Variants in C1QTNF6 observed in about 807,000 individuals in gnomAD.
C1QTNF6 encodes the protein complement C1q tumor necrosis factor-related protein 6.
In C1QTNF6, 17 loss-of-function variants were observed where a neutral mutation model predicts 20.7. The ratio of observed to expected loss-of-function variants is 0.82; its 90% confidence interval spans 0.56 to 1.23. C1QTNF6 has a LOEUF of 1.23. Among genes scored for constraint, C1QTNF6 ranks in the 50% most tolerant of loss-of-function variants. C1QTNF6 has a pLI of 0.00. For synonymous variants in C1QTNF6, 130 were observed against 156.3 expected, an observed-to-expected ratio of 0.83 and a Z score of 1.25; for missense variants, 329 against 389.7, an observed-to-expected ratio of 0.84 and a Z score of 1.31.
At position 37,185,279 on chromosome 22, in the gene C1QTNF6, G is replaced by A. The variant is rs745596249; in HGVS notation, c.228C>T (p.Ser76=). ...LDPAHVSSAS[S]SGRPHALPEI... ...CAGGCAGGGCGTGGGGGCGGCCGGA[G>A]GAAGAGGCTGAGGATACATGGGCAG... Residue 76 remains serine (S), a synonymous_variant, in exon 2 of 3, where the codon TCC becomes TCT. Transcript: ENST00000337843. 6.2e-7 allele frequency: 1 copy of A among 1,610,290 alleles called. No individual in the cohort carries two copies. Among genetic ancestry groups the A allele is most frequent in the Admixed American group, 1.7e-5 (1 of 59,728 alleles).
In C1QTNF6 at chr22:37,181,974, T is replaced by C; in HGVS notation, c.*214A>G. On this transcript the variant is annotated 3_prime_UTR_variant, in exon 3 of 3. Transcript: ENST00000337843. ...TGGGAAAGTTCTAGAATATTTAGGT[T>C]AGCAAGCTTCTTAAAATAGGTCCAA... The C allele has an allele frequency of 1.7e-6, 1 of 589,458 alleles. No individual in the cohort carries two copies. The highest frequency in any genetic ancestry group is 2.9e-5 in the East Asian group (1 of 34,278). 36.5% of individuals were successfully genotyped at this position (589,458 alleles called of 1,614,324 possible). A position where few individuals can be genotyped will look rare whatever the true frequency, so the allele number is the denominator to read the frequency against.
chr22:37,188,047 G>T, intron 1 of C1QTNF6, 116 bp downstream of exon 1: 1 of 1,075,836 alleles, frequency 9.3e-7, no homozygotes, highest in African/African-American at 1.6e-5. Flanking sequence ...TGGAGAGGCT[G>T]TCCCAGTCAG....
chr22:37,186,509 T>A (rs745599847), intron 1 of C1QTNF6, among the ~76,000 whole-genome samples: 101 of 152,180 alleles, frequency 6.6e-4, no homozygotes, highest in Non-Finnish European at 1.2e-3. Context: ...CTAGGAGGTA[T>A]AAAAAATTCT....
At chr22:37,185,963 C>CA in intron 1 of C1QTNF6, 1 of 985,836 alleles carries the variant, frequency 1.0e-6, no homozygotes, top group Non-Finnish European at 1.2e-6. Flanking sequence ...ACACTGGGGA[C>CA]AAACGTGGAG....
intron 1 of C1QTNF6, among the ~76,000 whole-genome samples, chr22:37,187,178 T>C (rs1345864732): frequency 3.3e-5 from 5 of 152,188 alleles, no homozygotes; most frequent in Admixed American, 3.3e-4. Context: ...TCCCTCTTCC[T>C]GGAGGTGACT....
At chr22:37,182,812 C>T (rs229521) in intron 2 of C1QTNF6, 77 bp from the exon 3 acceptor site, 439,686 of 1,472,760 alleles carry the variant, frequency 0.3, 71,669 homozygotes, top group African/African-American at 0.59. Context: ...TCATCTGTGA[C>T]GGCTCTGCCC....
At chr22:37,186,405 TAG>T (rs888134280) in intron 1 of C1QTNF6, among the ~76,000 whole-genome samples, 7 of 152,106 alleles carry the variant, frequency 4.6e-5, no homozygotes, top group African/African-American at 1.4e-4. Flanking sequence ...GAGGGTTCTG[TAG>T]AGAGAGTTAG....
intron 1 of C1QTNF6, among the ~76,000 whole-genome samples, chr22:37,186,236 C>T (rs1289635248): frequency 6.6e-6 from 1 of 152,136 alleles, no homozygotes; most frequent in East Asian, 1.9e-4. Flanking sequence ...AAGAAGGTGC[C>T]CCTCTGGACA....
intron 1 of C1QTNF6, chr22:37,186,147 G>A (rs1354714474): frequency 1.6e-5 from 16 of 985,294 alleles, no homozygotes; most frequent in Non-Finnish European, 1.8e-5. Context: ...TCATTGCATC[G>A]CTGAGCAGTC....
intron 1 of C1QTNF6, chr22:37,195,673 A>C (rs1427811945): frequency 1.3e-5 from 2 of 152,326 alleles, no homozygotes; most frequent in Middle Eastern, 3.4e-3. Flanking sequence ...TTATATGCTA[A>C]ACAAAGGGTG....
Position 37,182,011 on chromosome 22 carries a change from G to A in C1QTNF6, c.*177C>T. 3 of 665,216 alleles carry A rather than the reference G, an allele frequency of 4.5e-6. No homozygotes were observed. Among genetic ancestry groups the A allele is most frequent in the South Asian group, 2.0e-5 (1 of 49,898 alleles). The allele number at this position is 665,216 out of a possible 1,614,324, so 41.2% of individuals were successfully genotyped here. On this transcript the variant is annotated 3_prime_UTR_variant, in exon 3 of 3. Coordinates refer to ENST00000337843, the MANE Select transcript of C1QTNF6 (RefSeq NM_031910.4). ...TAAAATAGGTCCAAGAGAGAAGAGA[G>A]GAGCAGAAATAGGCTGGGAGGGATG...
chr22:37,188,163 C>A lies in C1QTNF6; in HGVS notation c.51G>T (p.Arg17Ser). Reference sequence around the variant, plus strand: ...GCTTGAGGAGCCTCTGGTCACTCACCCTGTGTCCTGTGGCCTCCCCAGGCG... The same window carrying A: ...GCTTGAGGAGCCTCTGGTCACTCACACTGTGTCCTGTGGCCTCCCCAGGCG... ...RESPGEATGHRVTMGTAALGP... is the reference protein window; with the variant it reads ...RESPGEATGHSVTMGTAALGP... The change falls in exon 1 of 3, where the codon AGG becomes AGT. Residue 17 changes from arginine to serine, a missense_variant and splice_region_variant. By Grantham distance (110) the Arg-to-Ser change is moderately radical (BLOSUM62 -1). Transcript: ENST00000337843. 6.2e-7 allele frequency: 1 copy of A among 1,609,892 alleles called. No homozygotes were observed. The highest frequency in any genetic ancestry group is 8.5e-7 in the Non-Finnish European group (1 of 1,178,046).
upstream of C1QTNF6, among the ~76,000 whole-genome samples, chr22:37,191,207 G>T (rs1340909450): frequency 6.6e-6 from 1 of 152,106 alleles, no homozygotes; most frequent in Non-Finnish European, 1.5e-5. Flanking sequence ...CATGGTTAAA[G>T]AATTAATATC....
At chr22:37,191,303 T>C (rs1924806405), upstream of C1QTNF6, among the ~76,000 whole-genome samples, 1 of 152,208 alleles carries the variant, frequency 6.6e-6, no homozygotes, top group Non-Finnish European at 1.5e-5. Context: ...TGTCCATTAG[T>C]ATTGATAATG....
intron 2 of C1QTNF6, among the ~76,000 whole-genome samples, chr22:37,194,023 G>T (rs1049497654): frequency 1.3e-5 from 2 of 152,152 alleles, no homozygotes; most frequent in African/African-American, 4.8e-5. Context: ...GCTTTTAACT[G>T]CTCAGGACAA....
intron 1 of C1QTNF6, chr22:37,185,900 C>G: frequency 1.0e-5 from 10 of 987,060 alleles, no homozygotes; most frequent in Non-Finnish European, 1.2e-5. Flanking sequence ...GCCACCGACT[C>G]CACTATCTCC....
chr22:37,191,763 TTTAA>T (rs936384240), upstream of C1QTNF6: 23 of 152,312 alleles, frequency 1.5e-4, 1 homozygote, highest in South Asian at 8.3e-4. Context: ...AACAAAAATC[TTTAA>T]TTATTTTTCA....
chr22:37,192,431 G>A (rs1369291634), upstream of C1QTNF6, among the ~76,000 whole-genome samples: 1 of 151,276 alleles, frequency 6.6e-6, no homozygotes, highest in Non-Finnish European at 1.5e-5. Context: ...AGCATAGCTG[G>A]GGGCATGGCT....
In C1QTNF6 at chr22:37,182,362, C is replaced by T. The variant is rs147480180; in HGVS notation, c.663G>A (p.Ala221=). Residue 221 remains alanine, a synonymous_variant, in exon 3 of 3, where the codon GCG becomes GCA. Transcript: ENST00000337843. The part of the protein sequence containing the change: ...HNQKEAVILY[A]QPSERSIMQS... ...GCATGATGCTGCGCTCGCTGGGCTGCGCGTACAGGATGACAGCCTCTTTCT... is the reference window on the plus strand; with the variant it reads ...GCATGATGCTGCGCTCGCTGGGCTGTGCGTACAGGATGACAGCCTCTTTCT... The T allele has an allele frequency of 7.7e-5, 125 of 1,614,118 alleles. No individual in the cohort carries two copies. Among genetic ancestry groups the T allele is most frequent in the African/African-American group, 1.3e-4 (10 of 74,956 alleles).
Sources: gnomAD v4.1 joint callset for allele counts (sites outside exome capture counted in the v4.1 genomes callset) on GRCh38, gnomAD v4.1.1 for gene constraint, MANE v1.5 for transcripts, NCBI Gene and HGNC (gene_info 2026-07-23, HGNC 2026-07-21) for gene names.